TMEM74: variants seen among roughly 807,000 people sequenced by gnomAD.
TMEM74 encodes the protein transmembrane protein 74.
In TMEM74, 13 loss-of-function variants were observed where a neutral mutation model predicts 18.1. The observed-to-expected ratio is 0.72, with a 90% CI of 0.47 to 1.14. The LOEUF is 1.14. Ranked by LOEUF, TMEM74 falls within the 50% of genes most tolerant of loss-of-function variation. TMEM74 has a pLI of 0.00. For synonymous variants in TMEM74, 159 were observed against 146.6 expected (o/e 1.08, Z -0.61); for missense variants, 372 against 375.9 (o/e 0.99, Z 0.09).
intron 1 of TMEM74, among the ~76,000 whole-genome samples, chr8:108,671,545 C>A (rs534088432): frequency 6.6e-6 from 1 of 152,258 alleles, no homozygotes; most frequent in South Asian, 2.1e-4. Flanking sequence ...GCTCTCTTAG[C>A]TGAGTTGGTT....
At chr8:108,680,704 T>C (rs1170137886) in intron 1 of TMEM74, among the ~76,000 whole-genome samples, 1 of 152,090 alleles carries the variant, frequency 6.6e-6, no homozygotes, top group African/African-American at 2.4e-5. Context: ...GGTATTCAAT[T>C]AGGAAAAGAG....
chr8:108,757,494 GT>G (rs1169741876), intron 1 of TMEM74, among the ~76,000 whole-genome samples: 1 of 151,834 alleles, frequency 6.6e-6, no homozygotes, highest in South Asian at 2.1e-4. Context: ...ATTCTTTGCT[GT>G]TTTTTAGAGA....
At chr8:108,739,763 C>T (rs1057400332) in intron 1 of TMEM74, among the ~76,000 whole-genome samples, 2 of 152,048 alleles carry the variant, frequency 1.3e-5, no homozygotes, top group Non-Finnish European at 2.9e-5. Context: ...GGTGACTTGG[C>T]TAGCTTGGGG....
At chr8:108,728,057 T>C (rs950917883) in intron 1 of TMEM74, among the ~76,000 whole-genome samples, 1 of 152,148 alleles carries the variant, frequency 6.6e-6, no homozygotes, top group African/African-American at 2.4e-5. Context: ...AAAGTGGTGG[T>C]GTCAACTCCC....
At chr8:108,735,986 CT>C (rs1040140085) in intron 1 of TMEM74, among the ~76,000 whole-genome samples, 19 of 149,878 alleles carry the variant, frequency 1.3e-4, no homozygotes, top group Admixed American at 4.7e-4. Context: ...CACTCGCCTT[CT>C]TTTTTTTTTC....
At chr8:108,728,806 GACTC>G (rs1813665718) in intron 1 of TMEM74, among the ~76,000 whole-genome samples, 1 of 152,104 alleles carries the variant, frequency 6.6e-6, no homozygotes, top group Non-Finnish European at 1.5e-5. Context: ...TATACATACA[GACTC>G]TCAACAAATA....
chr8:108,706,526 AT>A (rs1401730574), intron 1 of TMEM74, among the ~76,000 whole-genome samples: 1 of 152,160 alleles, frequency 6.6e-6, no homozygotes, highest in African/African-American at 2.4e-5. Flanking sequence ...ATTGAATTGA[AT>A]TGCACATTGA....
At chr8:108,769,399 A>C (rs937268945) in intron 1 of TMEM74, among the ~76,000 whole-genome samples, 7 of 152,140 alleles carry the variant, frequency 4.6e-5, no homozygotes, top group African/African-American at 1.7e-4. Flanking sequence ...AGAATTTCTC[A>C]GCAAGCGCAC....
intron 1 of TMEM74, among the ~76,000 whole-genome samples, chr8:108,703,287 T>G (rs1813355234): frequency 6.6e-6 from 1 of 152,144 alleles, no homozygotes; most frequent in African/African-American, 2.4e-5. Context: ...GATTCACTTT[T>G]TTGTTGTTGT....
intron 1 of TMEM74, among the ~76,000 whole-genome samples, chr8:108,702,384 A>G (rs892132091): frequency 6.6e-6 from 1 of 151,584 alleles, no homozygotes; most frequent in African/African-American, 2.4e-5. Context: ...CTCAAAATAA[A>G]CCAACACAAA....
chr8:108,629,116 A>G (rs543106532), intron 2 of TMEM74, among the ~76,000 whole-genome samples: 12 of 152,106 alleles, frequency 7.9e-5, no homozygotes, highest in African/African-American at 2.2e-4. Context: ...TAACTAGAAT[A>G]ACCAGTTTAG....
chr8:108,689,004 G>A (rs192747316), intron 1 of TMEM74, among the ~76,000 whole-genome samples: 105 of 152,250 alleles, frequency 6.9e-4, no homozygotes, highest in African/African-American at 2.5e-3. Flanking sequence ...TGGGGGTGAT[G>A]GTGAACAGCA....
At chr8:108,769,016 C>T (rs943795303) in intron 1 of TMEM74, among the ~76,000 whole-genome samples, 17 of 151,986 alleles carry the variant, frequency 1.1e-4, no homozygotes, top group Admixed American at 3.3e-4. Context: ...AAAAATGTCA[C>T]GTGAGGCAGG....
downstream of TMEM74, among the ~76,000 whole-genome samples, chr8:108,776,252 G>A (rs570674952): frequency 5.9e-5 from 9 of 152,336 alleles, no homozygotes; most frequent in South Asian, 1.9e-3. Flanking sequence ...CAACACTTCG[G>A]GCAGCCGAGG....
intron 2 of TMEM74, among the ~76,000 whole-genome samples, chr8:108,622,292 A>G (rs1812451609): frequency 6.6e-6 from 1 of 152,184 alleles, no homozygotes; most frequent in Non-Finnish European, 1.5e-5. Flanking sequence ...CCTCTATATT[A>G]TCTTACCAAG....
chr8:108,738,801 G>A (rs1186652471), intron 1 of TMEM74, among the ~76,000 whole-genome samples: 3 of 152,194 alleles, frequency 2.0e-5, no homozygotes, highest in African/African-American at 7.2e-5. Context: ...GGAATGAACA[G>A]TCCAGGACTG....
intron 1 of TMEM74, among the ~76,000 whole-genome samples, chr8:108,763,553 G>A (rs1814068928): frequency 1.3e-5 from 2 of 152,104 alleles, no homozygotes; most frequent in African/African-American, 2.4e-5. Context: ...ATTTGGGAAT[G>A]ACCATGAATA....
intron 1 of TMEM74, among the ~76,000 whole-genome samples, chr8:108,670,761 A>G (rs1812997072): frequency 6.6e-6 from 1 of 152,170 alleles, no homozygotes; most frequent in Non-Finnish European, 1.5e-5. Flanking sequence ...TCCCATGTTC[A>G]CCGTAATATT....
Position 108,700,822 on chromosome 8 carries a change from T to C in TMEM74, n.120-45385A>G, listed in dbSNP as rs540273108. ...GGCCCAGGTTTACACAGCTGGAGCATGGCAGAGCCAATCTCAAAATCAGGC... is the reference window on the plus strand; with the variant it reads ...GGCCCAGGTTTACACAGCTGGAGCACGGCAGAGCCAATCTCAAAATCAGGC... On this transcript the variant is annotated intron_variant and non_coding_transcript_variant, in intron 1 of 3. Coordinates refer to the TMEM74 transcript ENST00000518838. Among the ~76,000 whole-genome samples, 79 of 152,318 alleles carry C rather than the reference T, an allele frequency of 5.2e-4. 1 individual carries two copies. The highest frequency in any genetic ancestry group is 1.9e-3 in the African/African-American group (78 of 41,560).
Sources: gnomAD v4.1 joint callset for allele counts (sites outside exome capture counted in the v4.1 genomes callset) on GRCh38, gnomAD v4.1.1 for gene constraint, MANE v1.5 for transcripts, NCBI Gene and HGNC (gene_info 2026-07-23, HGNC 2026-07-21) for gene names.